The following SNED1 variants were observed in gnomAD, a reference collection of about 807,000 sequenced individuals.
The protein encoded by SNED1 is sushi, nidogen and EGF like domains 1.
Under a neutral mutation model 166.7 loss-of-function variants are expected in SNED1, and 81 were observed. The ratio of observed to expected loss-of-function variants is 0.49; its 90% CI spans 0.41 to 0.58. SNED1 has a LOEUF of 0.58. SNED1 is among the 20% of genes least tolerant of loss of function. SNED1 has a pLI of 0.00. For missense variants in SNED1, 1,604 were observed against 2,000.2 expected, an observed-to-expected ratio of 0.80 and a Z score of 3.78; for synonymous variants, 762 against 822.0, an observed-to-expected ratio of 0.93 and a Z score of 1.25.
At chr2:241,088,474 G>T in intron 31 of SNED1, 72 bp downstream of exon 31, 1 of 1,252,878 alleles carries the variant, frequency 8.0e-7, no homozygotes, top group Non-Finnish European at 1.2e-6. Context: ...CCAGCCCCGG[G>T]ATCTCAGAGT....
At chr2:241,035,634 C>T (rs1436338968) in intron 4 of SNED1, 1 of 152,044 alleles carries the variant, frequency 6.6e-6, no homozygotes, top group Non-Finnish European at 1.5e-5. Flanking sequence ...GGGAGAGGGG[C>T]CGCATCTCCG....
At chr2:241,022,464 C>T (rs77412039) in intron 1 of SNED1, among the ~76,000 whole-genome samples, 18 of 152,148 alleles carry the variant, frequency 1.2e-4, no homozygotes, top group Non-Finnish European at 2.2e-4. Flanking sequence ...CTTACCAGCA[C>T]CATTTGTTGA....
rs560763498 is a variant in SNED1, at chr2:241,043,746, T to C, written c.1273+3333T>C. ...TAAAGGGCCAGAAAGTAAATACTTT[T>C]GGCTTTGTGAGCCATATGGTCTCTA... On this transcript the variant is annotated intron_variant, in intron 8 of 31. Transcript: ENST00000310397. Among the ~76,000 whole-genome samples the C allele has an allele frequency of 6.0e-4, 91 of 152,366 alleles. 1 individual carries two copies. The Middle Eastern group carries it at 0.01, about 17-fold the overall frequency.
chr2:241,003,819 C>G (rs1418891189), intron 1 of SNED1, among the ~76,000 whole-genome samples: 1 of 152,252 alleles, frequency 6.6e-6, no homozygotes, highest in Non-Finnish European at 1.5e-5. Context: ...TGTGACACTT[C>G]TGTGTGTGAT....
intron 8 of SNED1, among the ~76,000 whole-genome samples, chr2:241,045,232 A>C (rs2061616845): frequency 6.6e-6 from 1 of 152,226 alleles, no homozygotes. Flanking sequence ...GTGCTCTCTA[A>C]ATTGATTTAT....
chr2:241,015,626 A>T (rs1297632789), intron 1 of SNED1: 1 of 151,730 alleles, frequency 6.6e-6, no homozygotes, highest in South Asian at 1.8e-4. Flanking sequence ...CCTCCCGTGA[A>T]TCGTCTCATA....
rs2062850012 is a variant in SNED1 at position 241,073,504 on chromosome 2, AC to A, written c.3916+144del. 1.4e-6 allele frequency: 1 copy of A among 721,692 alleles called. No individual in the cohort carries two copies. The highest frequency in any genetic ancestry group is 1.8e-5 in the African/African-American group (1 of 57,124). The allele number at this position is 721,692 out of a possible 1,614,324, so 44.7% of individuals were successfully genotyped here. A position where few individuals can be genotyped will look rare whatever the true frequency, so the allele number is the denominator to read the frequency against. On this transcript the variant is annotated intron_variant, in intron 27 of 31. Coordinates refer to ENST00000310397, the MANE Select transcript of SNED1 (RefSeq NM_001080437.3). This position sits in a 1 kb window ranked among gnomAD's most constrained non-coding sequence, Gnocchi z 6.6. ...CCTGAGGGGAGGCTGAGCACCAGGC[AC>A]CCCGGTGTGGGAAGATGGGGTGAAG...
intron 8 of SNED1, among the ~76,000 whole-genome samples, chr2:241,047,839 T>C (rs943759378): frequency 6.6e-6 from 1 of 151,996 alleles, no homozygotes; most frequent in Non-Finnish European, 1.5e-5. Context: ...CTGGTGCTTC[T>C]TGTTCTGTCC....
At position 240,999,186 on chromosome 2, in the gene SNED1, C is replaced by A; in HGVS notation, c.213+136C>A. On this transcript the variant is annotated intron_variant, in intron 1 of 31. Coordinates refer to ENST00000310397, the MANE Select transcript of SNED1 (RefSeq NM_001080437.3). This position sits in a 1 kb window ranked among gnomAD's most constrained non-coding sequence, Gnocchi z 5.8. The stretch of plus-strand genomic sequence containing the variant: ...GCGGCCCGAGGTGGAATGAGGACAG[C>A]GCTTCCTCCTCGGCGGCCAAGGCCG... The A allele has an allele frequency of 2.3e-6, 1 of 429,340 alleles. No individual in the cohort carries two copies. Among genetic ancestry groups the A allele is most frequent in the Non-Finnish European group, 3.6e-6 (1 of 277,838 alleles). 26.6% of individuals were successfully genotyped at this position (429,340 alleles called of 1,614,324 possible). A position where few individuals can be genotyped will look rare whatever the true frequency, so the allele number is the denominator to read the frequency against.
chr2:241,038,562 T>G (rs1446622995), intron 6 of SNED1, among the ~76,000 whole-genome samples: 7 of 152,234 alleles, frequency 4.6e-5, no homozygotes, highest in African/African-American at 1.7e-4. Context: ...CAGTTATCCC[T>G]TGCTCCCCGA....
At position 241,016,421 on chromosome 2, in the gene SNED1, G is replaced by A. The variant is rs372978536; in HGVS notation, c.214-13863G>A. On this transcript the variant is annotated intron_variant, in intron 1 of 31. Coordinates refer to ENST00000310397, the MANE Select transcript of SNED1 (RefSeq NM_001080437.3). ...TCACCATGTTAGCCAGGATGGTCTC[G>A]ATCTGACCTCATGATCCTCCTGCCT... 1.2e-4 allele frequency among the ~76,000 whole-genome samples: 18 copies of A among 152,150 alleles called. No individual in the cohort carries two copies. The East Asian group carries it at 1.5e-3, about 13-fold the overall frequency.
chr2:241,031,445 A>C (rs918172515), intron 2 of SNED1, among the ~76,000 whole-genome samples: 1 of 152,326 alleles, frequency 6.6e-6, no homozygotes, highest in African/African-American at 2.4e-5. Flanking sequence ...TTTTAAGAGC[A>C]CCTTCCAAGT....
chr2:241,061,900 A>G (rs1031166212), intron 16 of SNED1, among the ~76,000 whole-genome samples: 3 of 152,114 alleles, frequency 2.0e-5, no homozygotes, highest in Non-Finnish European at 2.9e-5. Flanking sequence ...GAAAAAGTCT[A>G]GAACCAACCC....
At chr2:241,081,854 C>T (rs2063344120) in intron 28 of SNED1, 61 bp downstream of exon 28, 1 of 1,275,172 alleles carries the variant, frequency 7.8e-7, no homozygotes, top group Middle Eastern at 1.9e-4. Context: ...CAGCCTAGGA[C>T]TGCTGGGCCA....
chr2:241,042,257 A>G (rs1299436619), intron 8 of SNED1, among the ~76,000 whole-genome samples: 1 of 152,190 alleles, frequency 6.6e-6, no homozygotes, highest in African/African-American at 2.4e-5. Context: ...CAGTAAGTCA[A>G]ACACTTCCTG....
chr2:241,065,685 C>T lies in SNED1; in HGVS notation c.3010+90C>T, dbSNP rs372264679. ...GGCACCTGCAGGGCGGCTGTCATGC[C>T]GTCCACCCTCCTAGTTCTTGCAGCA... On this transcript the variant is annotated intron_variant, in intron 21 of 31. Coordinates refer to ENST00000310397, the MANE Select transcript of SNED1 (RefSeq NM_001080437.3). 2.4e-3 allele frequency: 2,700 copies of T among 1,109,842 alleles called. 48 individuals are homozygous for T. The African/African-American group carries it at 0.036, about 15-fold the overall frequency. The allele number at this position is 1,109,842 out of a possible 1,614,324, so 68.7% of individuals were successfully genotyped here. A position where few individuals can be genotyped will look rare whatever the true frequency, so the allele number is the denominator to read the frequency against.
intron 1 of SNED1, among the ~76,000 whole-genome samples, chr2:241,019,737 G>C (rs903102441): frequency 1.3e-5 from 2 of 152,200 alleles, no homozygotes; most frequent in African/African-American, 4.8e-5. Flanking sequence ...AGCGGCCCAG[G>C]CTGTCAAATC....
chr2:241,087,202 T>G (rs923155254), intron 29 of SNED1, 190 bp from the exon 30 acceptor site: 34 of 579,464 alleles, frequency 5.9e-5, no homozygotes, highest in Non-Finnish European at 2.8e-5. Flanking sequence ...CACAATAAAT[T>G]TATTACAAAT....
intron 31 of SNED1, chr2:241,089,473 C>T (rs1403934055): frequency 6.6e-6 from 10 of 1,521,494 alleles, no homozygotes; most frequent in South Asian, 5.0e-5. Flanking sequence ...GTGTCCACAC[C>T]CCCTTGGGGG....
Sources: gnomAD v4.1 joint callset for allele counts (sites outside exome capture counted in the v4.1 genomes callset) on GRCh38, gnomAD v4.1.1 for gene constraint, Gnocchi (gnomAD v3.1) non-coding constraint, MANE v1.5 for transcripts, NCBI Gene and HGNC (gene_info 2026-07-23, HGNC 2026-07-21) for gene names.